NBAS: variants seen among roughly 807,000 people sequenced by gnomAD.
The protein encoded by NBAS is NBAS subunit of NRZ tethering complex.
NBAS carries 219 observed loss-of-function variants against 302.5 expected under a neutral mutation model. The ratio of observed to expected loss-of-function variants is 0.72; its 90% confidence interval spans 0.65 to 0.81. NBAS has a LOEUF of 0.81. NBAS is among the 30% of genes least tolerant of loss of function. The pLI, the probability that NBAS is intolerant of heterozygous loss-of-function variation, is 0.00. For missense variants in NBAS, 2,932 were observed against 2,841.6 expected, an observed-to-expected ratio of 1.03 and a Z score of -0.72; for synonymous variants, 1,118 against 1,021.6, an observed-to-expected ratio of 1.09 and a Z score of -1.80.
At chr2:15,374,814 T>C (rs1558282618) in intron 30 of NBAS, 94 bp from the exon 31 acceptor site, 2 of 1,056,324 alleles carry the variant, frequency 1.9e-6, no homozygotes, top group Non-Finnish European at 2.9e-6. Context: ...TTATCAAAAA[T>C]CTACCACATC....
At position 15,482,805 on chromosome 2, in the gene NBAS, A is replaced by C. The variant is rs183602513; in HGVS notation, c.1084-4516T>G. On this transcript the variant is annotated intron_variant, in intron 12 of 51. Coordinates refer to ENST00000281513, the MANE Select transcript of NBAS (RefSeq NM_015909.4). ...CCATTCCAAATTCAAGTTAGCAAGG[A>C]AAATCATTTGTTTTTAAATAAATTT... Among the ~76,000 whole-genome samples, 174 of 152,274 alleles carry C rather than the reference A, an allele frequency of 1.1e-3. 1 individual carries two copies. The highest frequency in any genetic ancestry group is 2.2e-3 in the Admixed American group (34 of 15,294).
chr2:15,235,837 T>A (rs1215322330), intron 45 of NBAS, among the ~76,000 whole-genome samples: 1 of 152,176 alleles, frequency 6.6e-6, no homozygotes, highest in Non-Finnish European at 1.5e-5. Context: ...ATTGTGAAAT[T>A]CTCTATTTCA....
chr2:14,819,712 A>G, the NBAS span, among the ~76,000 whole-genome samples: 1 of 152,238 alleles, frequency 6.6e-6, no homozygotes, highest in African/African-American at 2.4e-5. Context: ...TACAATCAAC[A>G]AAGTGGAGAG....
At chr2:14,944,308 C>CAGAAAACA in the NBAS span, among the ~76,000 whole-genome samples, 1 of 150,990 alleles carries the variant, frequency 6.6e-6, no homozygotes, top group South Asian at 2.1e-4. Flanking sequence ...CGTCTCAAAA[C>CAGAAAACA]AAAAAACAAA....
At chr2:15,195,472 G>A (rs1311612253) in intron 48 of NBAS, among the ~76,000 whole-genome samples, 1 of 152,182 alleles carries the variant, frequency 6.6e-6, no homozygotes, top group African/African-American at 2.4e-5. Flanking sequence ...TGGGGTGGAT[G>A]TGATTATAAA....
chr2:15,483,466 T>C (rs1680510593), intron 12 of NBAS: 1 of 252,976 alleles, frequency 4.0e-6, no homozygotes, highest in Admixed American at 4.9e-5. Context: ...ATAATAAAAC[T>C]TGAGAGAAAA....
intron 6 of NBAS, among the ~76,000 whole-genome samples, chr2:15,546,650 C>T (rs1664130436): frequency 6.6e-6 from 1 of 152,220 alleles, no homozygotes; most frequent in African/African-American, 2.4e-5. Flanking sequence ...ATCACTTGAA[C>T]TCGGGAGGTG....
intron 1 of NBAS, among the ~76,000 whole-genome samples, chr2:15,558,863 G>C (rs1021764973): frequency 2.6e-5 from 4 of 151,934 alleles, no homozygotes; most frequent in Admixed American, 2.6e-4. Context: ...GAGCCCAGGA[G>C]CTCCAGACCT....
intron 9 of NBAS, among the ~76,000 whole-genome samples, chr2:15,520,442 T>C (rs895493759): frequency 6.6e-6 from 1 of 152,176 alleles, no homozygotes; most frequent in Non-Finnish European, 1.5e-5. Context: ...CGAAGTTCAA[T>C]ACGCCTTACT....
chr2:14,877,827 C>T, the NBAS span, among the ~76,000 whole-genome samples: 1 of 152,176 alleles, frequency 6.6e-6, no homozygotes, highest in Non-Finnish European at 1.5e-5. Context: ...AGATATGAGA[C>T]TCTTTTTATA....
the NBAS span, among the ~76,000 whole-genome samples, chr2:15,045,985 C>T: frequency 6.6e-6 from 1 of 152,202 alleles, no homozygotes; most frequent in Non-Finnish European, 1.5e-5. Context: ...CCACATTCAG[C>T]TTTCACCAAT....
At chr2:14,853,935 G>A in the NBAS span, among the ~76,000 whole-genome samples, 2 of 109,228 alleles carry the variant, frequency 1.8e-5, no homozygotes, top group East Asian at 3.2e-4. Flanking sequence ...GGTGGGGGGA[G>A]GGGGGAGGGA....
chr2:14,891,608 TA>T, the NBAS span, among the ~76,000 whole-genome samples: 1 of 152,174 alleles, frequency 6.6e-6, no homozygotes, highest in African/African-American at 2.4e-5. Context: ...CATTCCCATT[TA>T]AAAAATAAGG....
intron 44 of NBAS, among the ~76,000 whole-genome samples, chr2:15,261,809 T>G (rs980532603): frequency 2.0e-5 from 3 of 152,252 alleles, no homozygotes; most frequent in Admixed American, 2.0e-4. Context: ...TAACAAAATT[T>G]GAAAGCATTC....
chr2:14,839,970 T>C, the NBAS span, among the ~76,000 whole-genome samples: 2 of 151,962 alleles, frequency 1.3e-5, no homozygotes, highest in Non-Finnish European at 2.9e-5. Flanking sequence ...AGACAGTGAA[T>C]GTAAGCTTTC....
chr2:14,987,215 A>C, the NBAS span, among the ~76,000 whole-genome samples: 354 of 152,234 alleles, frequency 2.3e-3, 3 homozygotes, highest in African/African-American at 8.2e-3. Context: ...ATTTAGAATA[A>C]ATGTACTTGA....
chr2:15,292,012 C>A lies in NBAS; in HGVS notation c.5027+525G>T, dbSNP rs531945866. Among the ~76,000 whole-genome samples the A allele has an allele frequency of 4.6e-5, 7 of 152,276 alleles. 1 individual carries two copies. The highest frequency in any genetic ancestry group is 4.6e-4 in the Admixed American group (7 of 15,294). ...TGAGACAGGGTCTCGCTCTGTTGCC[C>A]AAGCTGGGGTGGAGTGCAGTGGCAT... On this transcript the variant is annotated intron_variant, in intron 41 of 51. Coordinates refer to ENST00000281513, the MANE Select transcript of NBAS (RefSeq NM_015909.4).
intron 47 of NBAS, among the ~76,000 whole-genome samples, chr2:15,225,119 C>G (rs759550688): frequency 3.3e-5 from 5 of 152,276 alleles, no homozygotes; most frequent in Non-Finnish European, 4.4e-5. Flanking sequence ...CTGATAAATA[C>G]AAATAATCTC....
chr2:14,903,996 C>T, the NBAS span, among the ~76,000 whole-genome samples: 1 of 152,194 alleles, frequency 6.6e-6, no homozygotes, highest in African/African-American at 2.4e-5. Flanking sequence ...TAGGCTACCC[C>T]ATTAGGTTGG....
Sources: gnomAD v4.1 joint callset for allele counts (sites outside exome capture counted in the v4.1 genomes callset) on GRCh38, gnomAD v4.1.1 for gene constraint, MANE v1.5 for transcripts, NCBI Gene and HGNC (gene_info 2026-07-23, HGNC 2026-07-21) for gene names.